Variants in KDM3A observed in about 807,000 individuals in gnomAD.
KDM3A encodes lysine-specific demethylase 3A.
In KDM3A, 60 loss-of-function variants were observed where a neutral mutation model predicts 158.0. The ratio of observed to expected loss-of-function variants is 0.38; its 90% confidence interval spans 0.31 to 0.47. The LOEUF (loss-of-function observed/expected upper bound fraction) is 0.47. Among genes scored for constraint, KDM3A ranks in the 20% least tolerant of loss-of-function variants. The pLI is 0.99. For missense variants in KDM3A, 1,319 were observed against 1,574.3 expected (o/e 0.84, Z 2.74); for synonymous variants, 608 against 549.3 (o/e 1.11, Z -1.49).
chr2:86,485,473 C>T (rs1432487362), intron 20 of KDM3A, among the ~76,000 whole-genome samples: 5 of 152,180 alleles, frequency 3.3e-5, no homozygotes, highest in Non-Finnish European at 7.3e-5. Flanking sequence ...CTAAGAATAA[C>T]TTTTTGTCTA....
At chr2:86,466,343 A>G (rs1190579546) in intron 9 of KDM3A, 29 bp from the exon 10 acceptor site, 3 of 1,573,578 alleles carry the variant, frequency 1.9e-6, no homozygotes, top group Non-Finnish European at 2.6e-6. Flanking sequence ...AGAGGCCTGG[A>G]TGCTAGCTTT....
Position 86,477,865 on chromosome 2 carries a change from T to C in KDM3A, c.1940-12T>C, listed in dbSNP as rs1370332641. ...TCCTTCCAAAGACTAAGTGATTTAC[T>C]GATTTTTGCAGGACAGGTTGCTTGG... On this transcript the variant is annotated splice_polypyrimidine_tract_variant and intron_variant, in intron 12 of 25. Transcript: ENST00000312912. 6.7e-5 allele frequency: 107 copies of C among 1,587,198 alleles called. No homozygotes were observed. The highest frequency in any genetic ancestry group is 8.9e-5 in the Non-Finnish European group (104 of 1,163,500).
chr2:86,484,185 G>A (rs754806639), intron 19 of KDM3A, 27 bp downstream of exon 19: 3 of 1,593,304 alleles, frequency 1.9e-6, no homozygotes, highest in East Asian at 4.5e-5. Flanking sequence ...TTTTAAGGGG[G>A]TTGGGGATGT....
chr2:86,456,363 A>G (rs1324400558), intron 5 of KDM3A, 79 bp from the exon 6 acceptor site: 2 of 1,042,504 alleles, frequency 1.9e-6, no homozygotes, highest in Non-Finnish European at 2.7e-6. Context: ...AGACTTAGGA[A>G]AAGATTGTCC....
At chr2:86,441,002 T>C (rs1682669317), upstream of KDM3A, 1 of 152,230 alleles carries the variant, frequency 6.6e-6, no homozygotes, top group Non-Finnish European at 1.5e-5. Flanking sequence ...TTCAGTCTTA[T>C]CTATGCGCCA....
chr2:86,475,585 A>T (rs1396888372), intron 12 of KDM3A, among the ~76,000 whole-genome samples: 2 of 152,206 alleles, frequency 1.3e-5, no homozygotes, highest in Non-Finnish European at 2.9e-5. Context: ...CATTAGAGCC[A>T]GACCTCCTTC....
At chr2:86,467,463 C>T (rs1673203052) in intron 10 of KDM3A, 1 of 152,198 alleles carries the variant, frequency 6.6e-6, no homozygotes, top group Admixed American at 6.5e-5. Flanking sequence ...GGCTGAACTA[C>T]CAGGAAGAGT....
intron 9 of KDM3A, among the ~76,000 whole-genome samples, chr2:86,465,642 C>G (rs771707025): frequency 4.6e-5 from 7 of 152,108 alleles, no homozygotes; most frequent in Non-Finnish European, 1.0e-4. Flanking sequence ...CTCCTGGCCT[C>G]TAGCAGTCCT....
intron 4 of KDM3A, among the ~76,000 whole-genome samples, chr2:86,451,602 G>A (rs1424358550): frequency 2.0e-5 from 3 of 152,238 alleles, no homozygotes; most frequent in South Asian, 4.1e-4. Context: ...TTGCAATCTC[G>A]GGTGACAGAG....
At chr2:86,469,979 A>G (rs1180779157) in intron 10 of KDM3A, among the ~76,000 whole-genome samples, 1 of 152,196 alleles carries the variant, frequency 6.6e-6, no homozygotes, top group Non-Finnish European at 1.5e-5. Flanking sequence ...TATGTTGCCA[A>G]ATGGATTGAG....
chr2:86,469,945 G>A (rs891023597), intron 10 of KDM3A, among the ~76,000 whole-genome samples: 5 of 152,158 alleles, frequency 3.3e-5, no homozygotes, highest in Non-Finnish European at 5.9e-5. Context: ...TGAATTGTGA[G>A]TCTGGCTGTT....
chr2:86,480,188 C>A lies in KDM3A; in HGVS notation c.2338C>A (p.Pro780Thr), dbSNP rs773852749. ...LKQTSLAGEK[P>T]TLGAVLQQNP... is the part of the protein sequence containing the mutation. ...ACAGACTTCTTTAGCTGGAGAAAAA[C>A]CGACTCTTGGTGCAGTGCTCCAGCA... The change falls in exon 16 of 26, where the codon CCG (proline) becomes ACG (threonine). Residue 780 changes from proline (P) to threonine (T), a missense_variant. Around this residue, in one of 4 missense-constraint regions of KDM3A, gnomAD observed 368 missense variants for 415.8 expected, o/e 0.89. Coordinates refer to ENST00000312912, the MANE Select transcript of KDM3A (RefSeq NM_018433.6). 3.8e-5 allele frequency: 61 copies of A among 1,612,786 alleles called. No homozygotes were observed. The highest frequency in any genetic ancestry group is 4.9e-5 in the Non-Finnish European group (58 of 1,179,966).
chr2:86,484,818 G>A, intron 19 of KDM3A, 124 bp from the exon 20 acceptor site: 1 of 563,658 alleles, frequency 1.8e-6, no homozygotes. Context: ...AATTTATCAG[G>A]TTATGAAAAT....
chr2:86,453,686 G>GA (rs970214531), intron 4 of KDM3A, among the ~76,000 whole-genome samples: 5 of 151,900 alleles, frequency 3.3e-5, no homozygotes, highest in African/African-American at 4.8e-5. Context: ...ACATGCATGA[G>GA]AAAAAAACAA....
chr2:86,476,705 C>G (rs999043091), intron 12 of KDM3A, among the ~76,000 whole-genome samples: 1 of 152,204 alleles, frequency 6.6e-6, no homozygotes, highest in African/African-American at 2.4e-5. Flanking sequence ...AGATGAAGTT[C>G]ATAAAATCTC....
intron 25 of KDM3A, 89 bp from the exon 26 acceptor site, chr2:86,491,950 G>A (rs1674477163): frequency 1.2e-6 from 1 of 807,138 alleles, no homozygotes; most frequent in African/African-American, 1.7e-5. Context: ...CTGAGAGAAG[G>A]TAATAAAATT....
chr2:86,456,639 C>T (rs967644570), intron 6 of KDM3A, 73 bp downstream of exon 6: 7 of 1,433,468 alleles, frequency 4.9e-6, no homozygotes, highest in Non-Finnish European at 5.8e-6. Flanking sequence ...TTATGATTTT[C>T]TAGGCACTAA....
intron 1 of KDM3A, 135 bp from the exon 2 acceptor site, chr2:86,441,883 G>T (rs1057335344): frequency 8.9e-6 from 4 of 447,298 alleles, no homozygotes; most frequent in Admixed American, 4.9e-5. Context: ...GGCGCAGGAG[G>T]GGGGCTCGGT....
intron 12 of KDM3A, among the ~76,000 whole-genome samples, chr2:86,477,596 G>A (rs1207837977): frequency 6.6e-6 from 1 of 152,056 alleles, no homozygotes; most frequent in Admixed American, 6.5e-5. Flanking sequence ...AGTCTGAATA[G>A]GGATTCTGCT....
Sources: allele counts gnomAD v4.1 joint callset (sites outside exome capture counted in the v4.1 genomes callset), GRCh38; gene constraint gnomAD v4.1.1; regional missense constraint gnomAD v4.1.1; transcripts MANE v1.5; gene names NCBI Gene and HGNC (gene_info 2026-07-23, HGNC 2026-07-21).